ASB7: variants seen among roughly 807,000 people sequenced by gnomAD.
ASB7 encodes the protein ankyrin repeat and SOCS box containing 7, also known as ankyrin repeat and SOCS box protein 7.
A neutral mutation model predicts 32.5 loss-of-function variants in ASB7; 4 were observed. The observed-to-expected ratio is 0.12, with a 90% confidence interval of 0.06 to 0.28. The LOEUF (loss-of-function observed/expected upper bound fraction) is 0.28. Among genes scored for constraint, ASB7 ranks in the 10% least tolerant of loss-of-function variants. ASB7 has a pLI of 1.00. For synonymous variants in ASB7, 172 were observed against 155.6 expected (o/e 1.11, Z -0.78); for missense variants, 181 against 407.1 (o/e 0.44, Z 4.78).
intron 5 of ASB7, among the ~76,000 whole-genome samples, chr15:100,638,069 G>C (rs578144694): frequency 6.6e-6 from 1 of 151,700 alleles, no homozygotes; most frequent in Non-Finnish European, 1.5e-5. Flanking sequence ...ATATAGATAA[G>C]TATAACTGAC....
At chr15:100,630,142 A>T in intron 5 of ASB7, 100 bp downstream of exon 5, 1 of 1,413,148 alleles carries the variant, frequency 7.1e-7, no homozygotes, top group Non-Finnish European at 9.2e-7. Context: ...GATATTAATC[A>T]TTCCTATAAC....
chr15:100,620,772 C>G (rs2039784898), intron 4 of ASB7, among the ~76,000 whole-genome samples: 1 of 152,196 alleles, frequency 6.6e-6, no homozygotes, highest in South Asian at 2.1e-4. Context: ...AACTCCAAGA[C>G]CATGCTGGAC....
chr15:100,624,934 A>C (rs2039825013), intron 4 of ASB7, among the ~76,000 whole-genome samples: 1 of 152,214 alleles, frequency 6.6e-6, no homozygotes, highest in Non-Finnish European at 1.5e-5. Context: ...AGTAGTATTT[A>C]CTCCAGGAGT....
chr15:100,638,958 G>A (rs1261504090), intron 5 of ASB7, among the ~76,000 whole-genome samples: 2 of 152,182 alleles, frequency 1.3e-5, no homozygotes, highest in Non-Finnish European at 2.9e-5. Flanking sequence ...TCCTGTGGCG[G>A]GCTCTGGTCT....
At chr15:100,628,474 AG>A (rs535871516) in intron 4 of ASB7, among the ~76,000 whole-genome samples, 18 of 152,210 alleles carry the variant, frequency 1.2e-4, no homozygotes, top group Non-Finnish European at 2.1e-4. Flanking sequence ...CTTTTACAAG[AG>A]AGCATTTTCA....
In ASB7 at chr15:100,603,789, A is replaced by G. The variant is rs555680255; in HGVS notation, c.-174+476A>G. On this transcript the variant is annotated intron_variant, in intron 2 of 5. Coordinates refer to ENST00000332783, the MANE Select transcript of ASB7 (RefSeq NM_198243.3). Reference sequence around the variant, plus strand: ...AATCTTTTGAGTTATCTAACTGACAACGATTTGGTAGAGAAAGGTAAATTA... The same window carrying G: ...AATCTTTTGAGTTATCTAACTGACAGCGATTTGGTAGAGAAAGGTAAATTA... Among the ~76,000 whole-genome samples the G allele has an allele frequency of 9.8e-5, 15 of 152,296 alleles. No individual in the cohort carries two copies. In the South Asian group the frequency reaches 1.0e-3, roughly 11 times the overall value.
intron 4 of ASB7, among the ~76,000 whole-genome samples, chr15:100,625,369 T>G (rs571660632): frequency 1.3e-5 from 2 of 152,358 alleles, no homozygotes; most frequent in Non-Finnish European, 2.9e-5. Context: ...AAAGTGATTT[T>G]GGGTAGGTTA....
intron 2 of ASB7, among the ~76,000 whole-genome samples, chr15:100,606,883 G>A (rs570620496): frequency 1.6e-4 from 25 of 152,098 alleles, no homozygotes; most frequent in African/African-American, 4.8e-4. Context: ...GGCCGGGCGC[G>A]GTGGCTCACA....
intron 5 of ASB7, chr15:100,638,374 A>C (rs1445605602): frequency 6.6e-6 from 1 of 152,228 alleles, no homozygotes; most frequent in East Asian, 1.9e-4. Context: ...GCTAGTCCAA[A>C]GGTAGCGTCC....
rs912575637 is a variant in ASB7, at chr15:100,635,879, T to TC, written c.817+5843dup. Among the ~76,000 whole-genome samples the TC allele has an allele frequency of 3.7e-4, 57 of 152,238 alleles. No homozygotes were observed. The East Asian group carries it at 5.6e-3, about 15-fold the overall frequency. Reference sequence around the variant, plus strand: ...TGAGACAAGGTTCTGAGAAAGTCTTTCCCCCCGGGGCTCGGGCCTTTGTCA... The same window carrying TC: ...TGAGACAAGGTTCTGAGAAAGTCTTTCCCCCCCGGGGCTCGGGCCTTTGTCA... On this transcript the variant is annotated intron_variant, in intron 5 of 5. Coordinates refer to ENST00000332783, the MANE Select transcript of ASB7 (RefSeq NM_198243.3).
chr15:100,615,771 T>C (rs896502418), intron 4 of ASB7, among the ~76,000 whole-genome samples: 5 of 152,240 alleles, frequency 3.3e-5, no homozygotes, highest in Admixed American at 2.6e-4. Context: ...AAATGTTCTG[T>C]TCCTCCTCTT....
intron 4 of ASB7, among the ~76,000 whole-genome samples, chr15:100,616,078 C>A (rs1481932471): frequency 6.6e-6 from 1 of 152,176 alleles, no homozygotes; most frequent in East Asian, 1.9e-4. Flanking sequence ...TCCTTACTGA[C>A]CGGGCAGGAT....
rs34719366 is a variant in ASB7, at chr15:100,612,181, C to G, written c.-36C>G. 1 of 1,554,416 alleles carries G rather than the reference C, an allele frequency of 6.4e-7. No homozygotes were observed. The highest frequency in any genetic ancestry group is 1.4e-5 in the African/African-American group (1 of 73,560). ...CTTCTTAAAGGCTGATCCCCGTAAC[C>G]TAATGAATCCTTTGTAAAAAGTGGA... On this transcript the variant is annotated 5_prime_UTR_variant, in exon 4 of 6. Coordinates refer to ENST00000332783, the MANE Select transcript of ASB7 (RefSeq NM_198243.3).
intron 5 of ASB7, among the ~76,000 whole-genome samples, chr15:100,637,707 A>G (rs2039933670): frequency 6.6e-6 from 1 of 152,260 alleles, no homozygotes; most frequent in South Asian, 2.1e-4. Flanking sequence ...TTGATGGAGT[A>G]TCAGAGAAGA....
intron 4 of ASB7, among the ~76,000 whole-genome samples, chr15:100,613,494 G>A (rs955228868): frequency 6.6e-6 from 1 of 152,264 alleles, no homozygotes; most frequent in African/African-American, 2.4e-5. Context: ...TCAGAACCCA[G>A]AAATTCTCTG....
At chr15:100,614,867 C>G (rs759813306) in intron 4 of ASB7, among the ~76,000 whole-genome samples, 2 of 152,062 alleles carry the variant, frequency 1.3e-5, no homozygotes, top group Non-Finnish European at 2.9e-5. Context: ...GTTGGACAAG[C>G]TTGGGCTATA....
Position 100,650,445 on chromosome 15 carries a change from T to C in ASB7, c.*1983T>C, listed in dbSNP as rs1195015180. 1 of 152,172 alleles carries C rather than the reference T, an allele frequency of 6.6e-6. No individual in the cohort carries two copies. Among genetic ancestry groups the C allele is most frequent in the African/African-American group, 2.4e-5 (1 of 41,390 alleles). 9.4% of individuals were successfully genotyped at this position (152,172 alleles called of 1,614,324 possible). Reference sequence around the variant, plus strand: ...CTCCCTACAACCCCAGGCCCAGGGATAGGAGGAGGCAGAGGGGTGCCTGGA... The same window carrying C: ...CTCCCTACAACCCCAGGCCCAGGGACAGGAGGAGGCAGAGGGGTGCCTGGA... On this transcript the variant is annotated 3_prime_UTR_variant, in exon 6 of 6. Transcript: ENST00000332783.
At chr15:100,646,319 T>C in intron 5 of ASB7, 1 of 385,988 alleles carries the variant, frequency 2.6e-6, no homozygotes, top group Non-Finnish European at 5.2e-6. Flanking sequence ...CCAGTCAAGA[T>C]CCATACCTCT....
intron 2 of ASB7, 39 bp downstream of exon 2, chr15:100,603,352 T>G: frequency 4.9e-6 from 1 of 205,344 alleles, no homozygotes; most frequent in Non-Finnish European, 9.7e-6. Flanking sequence ...TGTTTATTCC[T>G]GGCCCCTACC....
Sources: allele counts gnomAD v4.1 joint callset (sites outside exome capture counted in the v4.1 genomes callset), GRCh38; gene constraint gnomAD v4.1.1; transcripts MANE v1.5; gene names NCBI Gene and HGNC (gene_info 2026-07-23, HGNC 2026-07-21).